Variants in NEGR1 observed in about 807,000 individuals in gnomAD.
The protein encoded by NEGR1 is neuronal growth regulator 1.
A neutral mutation model predicts 40.9 loss-of-function variants in NEGR1; 10 were observed. The observed-to-expected ratio is 0.24, with a 90% CI of 0.15 to 0.42. The LOEUF (loss-of-function observed/expected upper bound fraction) is 0.42. Among genes scored for constraint, NEGR1 ranks in the 10% least tolerant of loss-of-function variants. The pLI, the probability that NEGR1 is intolerant of heterozygous loss-of-function variation, is 1.00. For synonymous variants in NEGR1, 185 were observed against 166.8 expected (o/e 1.11, Z -0.84); for missense variants, 352 against 438.9 (o/e 0.80, Z 1.77).
In NEGR1 at chr1:71,875,252, A is replaced by G. The variant is rs189780054; in HGVS notation, c.409+59827T>C. 5.0e-3 allele frequency among the ~76,000 whole-genome samples: 757 copies of G among 152,310 alleles called. 3 individuals are homozygous for G. The highest frequency in any genetic ancestry group is 5.7e-3 in the Non-Finnish European group (385 of 68,022). Reference sequence around the variant, plus strand: ...CCAATCTTGTACATACAATTTTATGAGTTTCAAGAAAAATAAATCCTGGGC... The same window carrying G: ...CCAATCTTGTACATACAATTTTATGGGTTTCAAGAAAAATAAATCCTGGGC... On this transcript the variant is annotated intron_variant, in intron 2 of 6. Coordinates refer to ENST00000357731, the MANE Select transcript of NEGR1 (RefSeq NM_173808.3).
At chr1:71,821,218 C>A (rs1658417565) in intron 2 of NEGR1, among the ~76,000 whole-genome samples, 1 of 151,960 alleles carries the variant, frequency 6.6e-6, no homozygotes, top group South Asian at 2.1e-4. Flanking sequence ...ACCCACAGTA[C>A]TTCCCATTAA....
At chr1:71,888,358 G>A (rs910543576) in intron 2 of NEGR1, among the ~76,000 whole-genome samples, 6 of 152,076 alleles carry the variant, frequency 3.9e-5, no homozygotes, top group Non-Finnish European at 7.4e-5. Context: ...CAGTGTGTGC[G>A]CCCACCGTGC....
chr1:71,658,996 T>C (rs771037174), intron 4 of NEGR1, among the ~76,000 whole-genome samples: 4 of 152,170 alleles, frequency 2.6e-5, no homozygotes, highest in Non-Finnish European at 5.9e-5. Context: ...GGATTTTCTG[T>C]AATATGCTTG....
intron 1 of NEGR1, among the ~76,000 whole-genome samples, chr1:72,038,225 G>A (rs12726837): frequency 2.3e-4 from 35 of 152,118 alleles, no homozygotes; most frequent in African/African-American, 6.3e-4. Flanking sequence ...TTGCACATAC[G>A]ATTAGGTCAT....
At chr1:71,974,199 A>G (rs2100324671) in intron 1 of NEGR1, among the ~76,000 whole-genome samples, 1 of 152,290 alleles carries the variant, frequency 6.6e-6, no homozygotes, top group Middle Eastern at 3.4e-3. Context: ...ACAACTGTTC[A>G]TTGGACATGC....
intron 2 of NEGR1, among the ~76,000 whole-genome samples, chr1:71,835,486 C>T (rs572989664): frequency 8.7e-4 from 133 of 152,196 alleles, no homozygotes; most frequent in Non-Finnish European, 1.5e-3. Flanking sequence ...CTCTCTACTT[C>T]CTTATTATAC....
At chr1:71,589,651 C>A (rs1649433897) in intron 6 of NEGR1, among the ~76,000 whole-genome samples, 1 of 152,120 alleles carries the variant, frequency 6.6e-6, no homozygotes, top group Admixed American at 6.6e-5. Context: ...AACTCCCTTC[C>A]TTTTCTTGCC....
chr1:72,231,002 C>A (rs1654346184), intron 1 of NEGR1, among the ~76,000 whole-genome samples: 1 of 152,112 alleles, frequency 6.6e-6, no homozygotes, highest in African/African-American at 2.4e-5. Flanking sequence ...TGGAAGGACT[C>A]CAAAGGTGTC....
intron 1 of NEGR1, among the ~76,000 whole-genome samples, chr1:72,097,061 T>G (rs1648730295): frequency 6.6e-6 from 1 of 152,180 alleles, no homozygotes; most frequent in South Asian, 2.1e-4. Context: ...CAAAATAAAA[T>G]TTTATAAAGT....
intron 6 of NEGR1, among the ~76,000 whole-genome samples, chr1:71,571,174 T>C (rs1344492839): frequency 6.6e-6 from 1 of 152,220 alleles, no homozygotes; most frequent in Non-Finnish European, 1.5e-5. Context: ...TTATCATCAC[T>C]TCCTTCTTAT....
At position 71,407,440 on chromosome 1, in the gene NEGR1, T is replaced by G; in HGVS notation, c.*6A>C. On this transcript the variant is annotated 3_prime_UTR_variant, in exon 7 of 7. Transcript: ENST00000357731. ...ATCCTTAAAAGCCTTTTATGGGTCT[T>G]TGAATTTATTGTAGAATGGCATTCT... 1 of 1,611,434 alleles carries G rather than the reference T, an allele frequency of 6.2e-7. No homozygotes were observed. Among genetic ancestry groups the G allele is most frequent in the Non-Finnish European group, 8.5e-7 (1 of 1,178,126 alleles).
chr1:72,228,780 T>C (rs1489334274), intron 1 of NEGR1, among the ~76,000 whole-genome samples: 1 of 152,098 alleles, frequency 6.6e-6, no homozygotes, highest in Non-Finnish European at 1.5e-5. Context: ...AAAATGAAAG[T>C]TAAATAGTCT....
At chr1:71,473,906 T>A (rs891905815) in intron 6 of NEGR1, among the ~76,000 whole-genome samples, 24 of 151,996 alleles carry the variant, frequency 1.6e-4, no homozygotes, top group African/African-American at 5.5e-4. Context: ...GAAAAAAAAA[T>A]TTTGGAAGCT....
At chr1:71,567,715 TC>T (rs1371197754) in intron 6 of NEGR1, among the ~76,000 whole-genome samples, 4 of 151,988 alleles carry the variant, frequency 2.6e-5, no homozygotes, top group Non-Finnish European at 2.9e-5. Flanking sequence ...AATGTTTGTG[TC>T]CCCCCTCCGC....
At chr1:71,975,685 C>G (rs1646296142) in intron 1 of NEGR1, among the ~76,000 whole-genome samples, 3 of 152,202 alleles carry the variant, frequency 2.0e-5, no homozygotes, top group Admixed American at 2.0e-4. Context: ...CCCATACCCT[C>G]TTCACTGTAC....
At chr1:72,235,497 A>T (rs538007050) in intron 1 of NEGR1, among the ~76,000 whole-genome samples, 1 of 152,212 alleles carries the variant, frequency 6.6e-6, no homozygotes, top group Non-Finnish European at 1.5e-5. Context: ...AAATTAAATC[A>T]TACTTGTAAA....
At chr1:71,832,732 C>G (rs937263777) in intron 2 of NEGR1, among the ~76,000 whole-genome samples, 6 of 151,944 alleles carry the variant, frequency 3.9e-5, no homozygotes, top group African/African-American at 1.4e-4. Flanking sequence ...ATCACAAAGT[C>G]AAGGCCCAAT....
chr1:71,989,497 C>T (rs1317763367), intron 1 of NEGR1, among the ~76,000 whole-genome samples: 1 of 152,048 alleles, frequency 6.6e-6, no homozygotes, highest in Non-Finnish European at 1.5e-5. Flanking sequence ...CTAAGTAGAA[C>T]AAATGAGTAA....
intron 2 of NEGR1, among the ~76,000 whole-genome samples, chr1:71,874,144 G>A (rs185757068): frequency 6.6e-6 from 1 of 152,224 alleles, no homozygotes; most frequent in Admixed American, 6.5e-5. Context: ...GGTTCTTCAT[G>A]TGAAATGATT....
Sources: allele counts gnomAD v4.1 joint callset (sites outside exome capture counted in the v4.1 genomes callset), GRCh38; gene constraint gnomAD v4.1.1; transcripts MANE v1.5; gene names NCBI Gene and HGNC (gene_info 2026-07-23, HGNC 2026-07-21).